Variants in DENND2B observed in about 807,000 individuals in gnomAD.
DENND2B encodes DENN domain containing 2B.
Under a neutral mutation model 116.0 loss-of-function variants are expected in DENND2B, and 32 were observed. That is an observed-to-expected ratio of 0.28 (90% CI 0.21 to 0.37). The LOEUF (loss-of-function observed/expected upper bound fraction) is 0.37, where lower values mean the gene tolerates loss of function less well. DENND2B is among the 10% of genes least tolerant of loss of function. DENND2B has a pLI of 1.00. For missense variants in DENND2B, 1,276 were observed against 1,477.7 expected (o/e 0.86, Z 2.24); for synonymous variants, 588 against 583.9 (o/e 1.01, Z -0.10).
At chr11:8,762,390 G>C (rs982424102) in intron 1 of DENND2B, among the ~76,000 whole-genome samples, 3 of 152,116 alleles carry the variant, frequency 2.0e-5, no homozygotes, top group African/African-American at 7.2e-5. Context: ...CAGCAGTTGG[G>C]CTCCACAGTC....
In DENND2B at chr11:8,730,967, G is replaced by A. The variant is rs372527362; in HGVS notation, c.323C>T (p.Ala108Val). ...SFGYLDRSPS[A>V]CKRDAQKESV... ...TTCCTTTTGGGCGTCTCTCTTGCAC[G>A]CCGAAGGGCTTCTGTCCAAATAACC... The change falls in exon 3 of 20, where the codon GCG (alanine) becomes GTG (valine). Residue 108 changes from alanine (A) to valine (V), a missense_variant. Coordinates refer to ENST00000313726, the MANE Select transcript of DENND2B (RefSeq NM_213618.2). This position sits in a 1 kb window ranked among gnomAD's most constrained non-coding sequence, Gnocchi z 4.1. 6.2e-6 allele frequency: 10 copies of A among 1,614,226 alleles called. No individual in the cohort carries two copies. In the South Asian group the frequency reaches 6.6e-5, roughly 11 times the overall value.
intron 4 of DENND2B, among the ~76,000 whole-genome samples, chr11:8,722,838 G>A (rs1178210048): frequency 6.6e-6 from 1 of 152,030 alleles, no homozygotes; most frequent in Non-Finnish European, 1.5e-5. Flanking sequence ...TGCCTGGGTC[G>A]CTCCCCTCCC....
intron 1 of DENND2B, among the ~76,000 whole-genome samples, chr11:8,893,107 A>G (rs530090904): frequency 6.6e-4 from 100 of 152,352 alleles, no homozygotes; most frequent in African/African-American, 2.4e-3. Context: ...GCAAATCAAT[A>G]AACATAATCC....
At chr11:8,852,328 T>C (rs990350696) in intron 3 of DENND2B, among the ~76,000 whole-genome samples, 27 of 152,088 alleles carry the variant, frequency 1.8e-4, no homozygotes, top group Non-Finnish European at 4.4e-5. Context: ...GGTTCATTAA[T>C]ATGGGGATCA....
At chr11:8,842,416 A>G (rs1395203049) in intron 3 of DENND2B, among the ~76,000 whole-genome samples, 1 of 152,120 alleles carries the variant, frequency 6.6e-6, no homozygotes, top group Admixed American at 6.5e-5. Context: ...CTCCCTCTCA[A>G]GAGTCTGGAG....
At chr11:8,716,012 T>A (rs2133827737) in intron 5 of DENND2B, among the ~76,000 whole-genome samples, 194 bp from the exon 6 acceptor site, 1 of 152,324 alleles carries the variant, frequency 6.6e-6, no homozygotes, top group South Asian at 2.1e-4. Flanking sequence ...GATACTTGCC[T>A]TCCCTAAAGG....
Position 8,730,706 on chromosome 11 carries a change from C to G in DENND2B, c.584G>C (p.Trp195Ser), listed in dbSNP as rs2047977922. 1 of 1,611,852 alleles carries G rather than the reference C, an allele frequency of 6.2e-7. No homozygotes were observed. The highest frequency in any genetic ancestry group is 8.5e-7 in the Non-Finnish European group (1 of 1,179,780). ...GEKREGSGSE[W>S]AASEGCPSLG... Reference sequence around the variant, plus strand: ...GCTGGGGCAGCCCTCACTGGCCGCCCACTCGCTCCCAGAGCCCTCCCGCTT... The same window carrying G: ...GCTGGGGCAGCCCTCACTGGCCGCCGACTCGCTCCCAGAGCCCTCCCGCTT... The change falls in exon 3 of 20, where the codon TGG (tryptophan) becomes TCG (serine). Residue 195 changes from tryptophan (W) to serine (S), a missense_variant. Trp to Ser is a radical substitution (Grantham distance 177). Around this residue, in one of 2 missense-constraint regions of DENND2B, gnomAD observed 856 missense variants for 846.6 expected, o/e 1.01. Coordinates refer to ENST00000313726, the MANE Select transcript of DENND2B (RefSeq NM_213618.2). This position sits in a 1 kb window ranked among gnomAD's most constrained non-coding sequence, Gnocchi z 4.1.
At chr11:8,904,520 C>A (rs763988913) in intron 1 of DENND2B, among the ~76,000 whole-genome samples, 1 of 152,126 alleles carries the variant, frequency 6.6e-6, no homozygotes, top group Non-Finnish European at 1.5e-5. Context: ...GGGAACAAGG[C>A]AAAGATGTTC....
intron 1 of DENND2B, among the ~76,000 whole-genome samples, chr11:8,762,411 T>G (rs1349708848): frequency 6.6e-6 from 1 of 152,198 alleles, no homozygotes; most frequent in Non-Finnish European, 1.5e-5. Context: ...CAGGCCCATC[T>G]CTAGTTACCT....
rs117559465 is a variant in DENND2B at position 8,724,977 on chromosome 11, T to C, written c.1477+1096A>G. ...CCTGGGCCTTCTCCACACCGCCCCA[T>C]GGGACTTAGGCACAAGGGGAAACCC... On this transcript the variant is annotated intron_variant, in intron 4 of 19. Coordinates refer to ENST00000313726, the MANE Select transcript of DENND2B (RefSeq NM_213618.2). 4.9e-4 allele frequency among the ~76,000 whole-genome samples: 74 copies of C among 152,328 alleles called. No homozygotes were observed. The East Asian group carries it at 0.013, about 27-fold the overall frequency.
intron 2 of DENND2B, among the ~76,000 whole-genome samples, chr11:8,732,181 C>T (rs1373624378): frequency 6.6e-6 from 1 of 152,224 alleles, no homozygotes; most frequent in Admixed American, 6.5e-5. Flanking sequence ...CAATAATTGG[C>T]ATCTACCATG....
At chr11:8,764,442 T>C (rs958718706) in intron 1 of DENND2B, among the ~76,000 whole-genome samples, 13 of 152,226 alleles carry the variant, frequency 8.5e-5, no homozygotes, top group African/African-American at 3.1e-4. Flanking sequence ...GTTACAACTA[T>C]GTGAAATAGA....
intron 5 of DENND2B, 72 bp downstream of exon 5, chr11:8,717,669 A>G: frequency 4.1e-6 from 6 of 1,466,308 alleles, no homozygotes; most frequent in Non-Finnish European, 5.4e-6. Context: ...AGCTGGGCCC[A>G]AGTCTTGGAA....
At chr11:8,787,632 C>A (rs1485176406) in intron 1 of DENND2B, among the ~76,000 whole-genome samples, 1 of 152,184 alleles carries the variant, frequency 6.6e-6, no homozygotes, top group Non-Finnish European at 1.5e-5. Context: ...AGGTGTCTGG[C>A]AAGATAGTGA....
At chr11:8,726,050 G>A in intron 4 of DENND2B, 23 bp downstream of exon 4, 1 of 1,613,660 alleles carries the variant, frequency 6.2e-7, no homozygotes, top group Non-Finnish European at 8.5e-7. Context: ...GATGACCCAG[G>A]TGCCACCTCT....
At chr11:8,710,760 C>A in intron 11 of DENND2B, 85 bp downstream of exon 11, 1 of 640,314 alleles carries the variant, frequency 1.6e-6, no homozygotes, top group Admixed American at 3.2e-5. Flanking sequence ...AGGGCACACA[C>A]ACACACACAC....
intron 1 of DENND2B, chr11:8,808,956 T>A (rs1417139625): frequency 6.6e-6 from 1 of 152,178 alleles, no homozygotes; most frequent in East Asian, 1.9e-4. Flanking sequence ...GCTAGCCCTC[T>A]TCACAGATGT....
chr11:8,702,755 A>G lies in DENND2B; in HGVS notation c.2572-35T>C, dbSNP rs959524584. 1 of 1,604,790 alleles carries G rather than the reference A, an allele frequency of 6.2e-7. No homozygotes were observed. Among genetic ancestry groups the G allele is most frequent in the Non-Finnish European group, 8.5e-7 (1 of 1,176,096 alleles). Reference sequence around the variant, plus strand: ...AGCGATGGGAAAGTGGGCCGGGGCCAGCCAAGTGGGTGCTGCCCTCTGGCC... The same window carrying G: ...AGCGATGGGAAAGTGGGCCGGGGCCGGCCAAGTGGGTGCTGCCCTCTGGCC... On this transcript the variant is annotated intron_variant, in intron 13 of 19. Transcript: ENST00000313726. This position sits in a 1 kb window ranked among gnomAD's most constrained non-coding sequence, Gnocchi z 4.6.
chr11:8,731,007 T>G lies in DENND2B; in HGVS notation c.283A>C (p.Lys95Gln), dbSNP rs1316877503. 6.2e-7 allele frequency: 1 copy of G among 1,614,012 alleles called. No individual in the cohort carries two copies. The highest frequency in any genetic ancestry group is 1.7e-5 in the Admixed American group (1 of 60,018). ...PDTSPPTCPF[K>Q]TASFGYLDRS... ...TCCAAATAACCGAAGCTGGCGGTCT[T>G]GAAGGGACAGGTGGGTGGGGAAGTA... The change falls in exon 3 of 20, where the codon AAG becomes CAG. Residue 95 changes from lysine (K) to glutamine (Q), a missense_variant. This residue lies in a region of DENND2B where 856 missense variants were observed against 846.6 expected (regional missense o/e 1.01). Coordinates refer to ENST00000313726, the MANE Select transcript of DENND2B (RefSeq NM_213618.2).
Sources: allele counts gnomAD v4.1 joint callset (sites outside exome capture counted in the v4.1 genomes callset), GRCh38; gene constraint gnomAD v4.1.1; regional missense constraint gnomAD v4.1.1; non-coding constraint Gnocchi (gnomAD v3.1); transcripts MANE v1.5; gene names NCBI Gene and HGNC (gene_info 2026-07-23, HGNC 2026-07-21).